Variants in BUB1B observed in about 807,000 individuals in gnomAD.
BUB1B encodes mitotic checkpoint serine/threonine-protein kinase BUB1 beta.
A neutral mutation model predicts 137.7 loss-of-function variants in BUB1B; 86 were observed. That is an observed-to-expected ratio of 0.62 (90% CI 0.52 to 0.75). The LOEUF (loss-of-function observed/expected upper bound fraction) is 0.75, where lower values mean the gene tolerates loss of function less well. BUB1B is among the 30% of genes least tolerant of loss of function. The pLI, the probability that BUB1B is intolerant of heterozygous loss-of-function variation, is 0.00. For synonymous variants in BUB1B, 420 were observed against 417.9 expected, an observed-to-expected ratio of 1.00 and a Z score of -0.06; for missense variants, 1,130 against 1,236.9, an observed-to-expected ratio of 0.91 and a Z score of 1.30.
In BUB1B at chr15:40,183,954, A is replaced by G. The variant is rs962415060; in HGVS notation, c.751+71A>G. The G allele has an allele frequency of 2.0e-6, 3 of 1,504,626 alleles. 1 individual carries two copies. The highest frequency in any genetic ancestry group is 4.7e-5 in the East Asian group (2 of 42,520). The allele number at this position is 1,504,626 out of a possible 1,614,324, so 93.2% of individuals were successfully genotyped here. ...GTAAAATCATGTAAGAAGATAATACATAAATATACCTGTGGACACTTCTAG... is the reference window on the plus strand; with the variant it reads ...GTAAAATCATGTAAGAAGATAATACGTAAATATACCTGTGGACACTTCTAG... On this transcript the variant is annotated intron_variant, in intron 6 of 22. Coordinates refer to ENST00000287598, the MANE Select transcript of BUB1B (RefSeq NM_001211.6).
rs2037587414 is a variant in BUB1B, at chr15:40,202,612, T to G, written c.1652T>G (p.Val551Gly). The G allele has an allele frequency of 6.2e-7, 1 of 1,613,704 alleles. No individual in the cohort carries two copies. The highest frequency in any genetic ancestry group is 8.5e-7 in the Non-Finnish European group (1 of 1,179,930). ...NKSPPADPPRVLAQRRPLAVL... is the reference protein window; with the variant it reads ...NKSPPADPPRGLAQRRPLAVL... ...AGTCCTCCTGCAGATCCCCCACGAG[T>G]TTTAGCTCAACGAAGACCCCTTGCA... The change falls in exon 14 of 23, where the codon GTT (valine) becomes GGT (glycine). Residue 551 changes from valine (V) to glycine (G), a missense_variant. Physicochemically the swap from Val to Gly is moderately radical, Grantham distance 109. Coordinates refer to ENST00000287598, the MANE Select transcript of BUB1B (RefSeq NM_001211.6).
intron 6 of BUB1B, 119 bp downstream of exon 6, chr15:40,184,002 A>G (rs2037329375): frequency 9.2e-7 from 1 of 1,088,214 alleles, no homozygotes; most frequent in Admixed American, 2.1e-5. Flanking sequence ...TGAGTAGCAA[A>G]AAGAAGGAAG....
chr15:40,175,034 TAG>T (rs1047001717), intron 4 of BUB1B, among the ~76,000 whole-genome samples: 1 of 152,234 alleles, frequency 6.6e-6, no homozygotes, highest in African/African-American at 2.4e-5. Flanking sequence ...TAATGCTGAT[TAG>T]AGTCTGGTGG....
In BUB1B at chr15:40,161,252, T is replaced by A. The variant is rs747863124; in HGVS notation, c.32T>A (p.Leu11Gln). The change falls in exon 1 of 23, where the codon CTG (leucine) becomes CAG (glutamine). Residue 11 changes from leucine to glutamine, a missense_variant. Coordinates refer to ENST00000287598, the MANE Select transcript of BUB1B (RefSeq NM_001211.6). MAAVKKEGGA[L>Q]SEAMSLEGDE... ...GCGGTGAAGAAGGAAGGGGGTGCTCTGAGGTAGGTACGGGAGAAAGCTGCT... is the reference window on the plus strand; with the variant it reads ...GCGGTGAAGAAGGAAGGGGGTGCTCAGAGGTAGGTACGGGAGAAAGCTGCT... 1 of 1,612,674 alleles carries A rather than the reference T, an allele frequency of 6.2e-7. No homozygotes were observed. The highest frequency in any genetic ancestry group is 1.7e-5 in the Admixed American group (1 of 59,864).
At chr15:40,195,666 A>G (rs1359052754) in intron 8 of BUB1B, among the ~76,000 whole-genome samples, 1 of 152,020 alleles carries the variant, frequency 6.6e-6, no homozygotes, top group Non-Finnish European at 1.5e-5. Context: ...TTTCTTTATT[A>G]TGGCCATTCT....
chr15:40,211,824 G>GT (rs538482738), intron 18 of BUB1B, among the ~76,000 whole-genome samples: 16,903 of 145,802 alleles, frequency 0.12, 1,127 homozygotes, highest in Non-Finnish European at 0.15. Flanking sequence ...CTGTTTTTTT[G>GT]TTTTTTTTTT....
chr15:40,175,231 G>A (rs1407761007), intron 4 of BUB1B, among the ~76,000 whole-genome samples: 1 of 152,122 alleles, frequency 6.6e-6, no homozygotes, highest in Non-Finnish European at 1.5e-5. Context: ...AAAATTAGAA[G>A]TTGTTTAAAT....
Position 40,176,608 on chromosome 15 carries a change from T to C in BUB1B, c.516T>C (p.Asp172=), listed in dbSNP as rs1345043720. 1.9e-6 allele frequency: 3 copies of C among 1,613,994 alleles called. No homozygotes were observed. Among genetic ancestry groups the C allele is most frequent in the Non-Finnish European group, 2.5e-6 (3 of 1,180,014 alleles). Residue 172 remains aspartate (D), a synonymous_variant, in exon 5 of 23, where the codon GAT becomes GAC. Transcript: ENST00000287598. ...CTAGAGAAAACTTTAGGAAAGCAGATGCGATATTTCAGGAAGGGATTCAAC... is the reference window on the plus strand; with the variant it reads ...CTAGAGAAAACTTTAGGAAAGCAGACGCGATATTTCAGGAAGGGATTCAAC... ...YEARENFRKA[D]AIFQEGIQQK... is the part of the protein sequence containing the mutation.
chr15:40,204,779 G>A (rs1157687978), intron 14 of BUB1B, among the ~76,000 whole-genome samples: 1 of 151,514 alleles, frequency 6.6e-6, no homozygotes, highest in Non-Finnish European at 1.5e-5. Flanking sequence ...TGGGACTACA[G>A]GTGTGAGCCA....
intron 8 of BUB1B, among the ~76,000 whole-genome samples, chr15:40,186,166 G>A (rs2037357913): frequency 6.6e-6 from 1 of 152,170 alleles, no homozygotes; most frequent in Non-Finnish European, 1.5e-5. Context: ...GGCTTCAGCA[G>A]TAGAGTTAGA....
intron 8 of BUB1B, among the ~76,000 whole-genome samples, chr15:40,190,086 T>A (rs1408773921): frequency 1.3e-5 from 2 of 152,336 alleles, no homozygotes; most frequent in East Asian, 3.9e-4. Context: ...AGGGGATACG[T>A]TCCAAGACTC....
intron 4 of BUB1B, among the ~76,000 whole-genome samples, chr15:40,173,652 A>G (rs1229811166): frequency 6.6e-6 from 1 of 152,234 alleles, no homozygotes; most frequent in African/African-American, 2.4e-5. Context: ...ATATCAGTCC[A>G]TAATGGAACA....
Position 40,183,029 on chromosome 15 carries a change from C to T in BUB1B, c.582-685C>T, listed in dbSNP as rs78013929. Among the ~76,000 whole-genome samples, 33 of 152,234 alleles carry T rather than the reference C, an allele frequency of 2.2e-4. No homozygotes were observed. The East Asian group carries it at 6.4e-3, about 29-fold the overall frequency. On this transcript the variant is annotated intron_variant, in intron 5 of 22. Coordinates refer to ENST00000287598, the MANE Select transcript of BUB1B (RefSeq NM_001211.6). ...AAAGAGAAAAGGTACAGTGGGCATA[C>T]TCCATCTTGGCCAACACCTGCAATT...
At chr15:40,209,147 C>T (rs1030315327) in intron 16 of BUB1B, among the ~76,000 whole-genome samples, 2 of 151,880 alleles carry the variant, frequency 1.3e-5, no homozygotes, top group East Asian at 1.9e-4. Context: ...CGGCCGGGTG[C>T]GGTGGCTCAC....
At chr15:40,210,349 T>C in intron 18 of BUB1B, 139 bp downstream of exon 18, 1 of 722,682 alleles carries the variant, frequency 1.4e-6, no homozygotes. Context: ...TTCAGTTTCA[T>C]TTTTTTTAGG....
chr15:40,165,784 G>T (rs1218712384), intron 2 of BUB1B, among the ~76,000 whole-genome samples: 1 of 151,256 alleles, frequency 6.6e-6, no homozygotes, highest in Non-Finnish European at 1.5e-5. Flanking sequence ...AAGAAATACT[G>T]CCATTACTGG....
At chr15:40,179,585 TG>T (rs2037260032) in intron 5 of BUB1B, among the ~76,000 whole-genome samples, 1 of 152,182 alleles carries the variant, frequency 6.6e-6, no homozygotes, top group Non-Finnish European at 1.5e-5. Context: ...ATATCTTTTT[TG>T]TTATGTTGAG....
intron 15 of BUB1B, 115 bp from the exon 16 acceptor site, chr15:40,208,522 G>T: frequency 9.3e-7 from 1 of 1,071,230 alleles, no homozygotes; most frequent in South Asian, 1.4e-5. Context: ...TGGGTGACAA[G>T]AGCAAAACTC....
chr15:40,191,952 A>G (rs1331491688), intron 8 of BUB1B, among the ~76,000 whole-genome samples: 1 of 152,034 alleles, frequency 6.6e-6, no homozygotes, highest in African/African-American at 2.4e-5. Context: ...TCCTCTTTTT[A>G]AAGATTGTTT....
Sources: gnomAD v4.1 joint callset for allele counts (sites outside exome capture counted in the v4.1 genomes callset) on GRCh38, gnomAD v4.1.1 for gene constraint, MANE v1.5 for transcripts, NCBI Gene and HGNC (gene_info 2026-07-23, HGNC 2026-07-21) for gene names.